PHLDB2: variants seen among roughly 807,000 people sequenced by gnomAD.
The protein encoded by PHLDB2 is pleckstrin homology like domain family B member 2.
Under a neutral mutation model 123.6 loss-of-function variants are expected in PHLDB2, and 71 were observed. That is an observed-to-expected ratio of 0.57 (90% CI 0.47 to 0.70). PHLDB2 has a LOEUF of 0.70. Ranked by LOEUF, PHLDB2 falls within the 30% of genes least tolerant of loss-of-function variation. The pLI is 0.00. For synonymous variants in PHLDB2, 547 were observed against 541.6 expected (o/e 1.01, Z -0.14); for missense variants, 1,446 against 1,519.5 (o/e 0.95, Z 0.80).
At chr3:111,935,951 T>C (rs2069465313) in intron 6 of PHLDB2, among the ~76,000 whole-genome samples, 1 of 152,106 alleles carries the variant, frequency 6.6e-6, no homozygotes, top group Non-Finnish European at 1.5e-5. Flanking sequence ...CTCAAGGAGG[T>C]TGGACTAGAT....
chr3:111,819,472 C>A (rs2062263144), intron 1 of PHLDB2, among the ~76,000 whole-genome samples: 1 of 152,194 alleles, frequency 6.6e-6, no homozygotes, highest in Non-Finnish European at 1.5e-5. Flanking sequence ...TAATTCATGG[C>A]AAAGCCAGAG....
chr3:111,829,927 AACACACACACACACACACACACACAC>A (rs72357648), intron 1 of PHLDB2, among the ~76,000 whole-genome samples: 1 of 135,942 alleles, frequency 7.4e-6, no homozygotes, highest in African/African-American at 2.8e-5. Flanking sequence ...AACTATTCAA[AACACACACACACACACACACACACAC>A]ACACACACAC....
At chr3:111,861,868 A>G (rs73228514) in intron 1 of PHLDB2, among the ~76,000 whole-genome samples, 15,521 of 152,312 alleles carry the variant, frequency 0.1, 1,028 homozygotes, top group Non-Finnish European at 0.14. Context: ...TTTGAGATCT[A>G]TAAGCAAGGG....
rs1553746643 is a variant in PHLDB2, at chr3:111,895,873, C to CTATCTATCTATCT, written c.1335+10461_1335+10462insTATCTATCTATCT. Among the ~76,000 whole-genome samples, 263 of 148,698 alleles carry CTATCTATCTATCT rather than the reference C, an allele frequency of 1.8e-3. 3 individuals are homozygous for CTATCTATCTATCT. Among genetic ancestry groups the CTATCTATCTATCT allele is most frequent in the East Asian group, 5.1e-3 (26 of 5,056 alleles). The stretch of plus-strand genomic sequence containing the variant: ...AAAAAAAAAAATCTATCTATCTATC[C>CTATCTATCTATCT]ATCTATCTATCTATCTATCTATCTA... On this transcript the variant is annotated intron_variant, in intron 2 of 17. Coordinates refer to ENST00000431670, the MANE Select transcript of PHLDB2 (RefSeq NM_001134438.2).
At position 111,885,305 on chromosome 3, in the gene PHLDB2, C is replaced by T. The variant is rs773660300; in HGVS notation, c.1228C>T (p.Arg410Trp). 78 of 1,614,000 alleles carry T rather than the reference C, an allele frequency of 4.8e-5. No individual in the cohort carries two copies. The South Asian group carries it at 5.8e-4, about 12-fold the overall frequency. Residue 410 changes from arginine to tryptophan, a missense_variant, in exon 2 of 18, where the codon CGG (arginine) becomes TGG (tryptophan). This residue lies in a region of PHLDB2 where 832 missense variants were observed against 831.9 expected (regional missense o/e 1.00). Coordinates refer to ENST00000431670, the MANE Select transcript of PHLDB2 (RefSeq NM_001134438.2). ...QASGTPQPALRERKSSISSIS... is the reference protein window; with the variant it reads ...QASGTPQPALWERKSSISSIS... ...CTCAGGAACCCCCCAGCCTGCCCTT[C>T]GGGAACGGAAAAGCAGTATTAGCTC... is the stretch of plus-strand genomic sequence containing the variant.
At chr3:111,743,706 A>G (rs886559228) in intron 1 of PHLDB2, among the ~76,000 whole-genome samples, 3 of 152,210 alleles carry the variant, frequency 2.0e-5, no homozygotes, top group African/African-American at 7.2e-5. Context: ...GGGTCAGCTT[A>G]GTAGCTCTCA....
intron 1 of PHLDB2, among the ~76,000 whole-genome samples, chr3:111,841,573 C>T (rs1412982718): frequency 1.3e-5 from 2 of 152,100 alleles, no homozygotes; most frequent in Non-Finnish European, 2.9e-5. Context: ...CACTCATAAC[C>T]TCTTCAAATA....
In PHLDB2 at chr3:111,740,332, C is replaced by A. The variant is rs149594915; in HGVS notation, c.-49+7629C>A. Among the ~76,000 whole-genome samples, 222 of 148,918 alleles carry A rather than the reference C, an allele frequency of 1.5e-3. 1 individual carries two copies. Among genetic ancestry groups the A allele is most frequent in the African/African-American group, 5.4e-3 (213 of 39,788 alleles). ...ATTTAGAGGCTGCATCACTTTGCTG[C>A]CTATTATTGTCCTCATTAAATATGA... On this transcript the variant is annotated intron_variant, in intron 1 of 17. Coordinates refer to the PHLDB2 transcript ENST00000393923.
In PHLDB2 at chr3:111,830,953, AAG is replaced by A. The variant is rs199823136; in HGVS notation, c.-48-14864_-48-14863del. On this transcript the variant is annotated intron_variant, in intron 1 of 17. Transcript: ENST00000393923. ...AAGAAAGAAAAGAAGGAAAGAAAGA[AAG>A]AGAAAGAAAGAAAGAAAGAAAGAAA... Among the ~76,000 whole-genome samples the A allele has an allele frequency of 6.2e-3, 523 of 84,518 alleles. 4 individuals carry two copies. Among genetic ancestry groups the A allele is most frequent in the African/African-American group, 0.029 (456 of 15,690 alleles). The allele number at this position is 84,518 out of a possible 152,430, so 55.4% of individuals were successfully genotyped here.
intron 1 of PHLDB2, among the ~76,000 whole-genome samples, chr3:111,739,358 G>A (rs992923759): frequency 6.6e-6 from 1 of 152,044 alleles, no homozygotes; most frequent in East Asian, 1.9e-4. Context: ...CCACGCCTGT[G>A]TGCCACTAAT....
rs571562346 is a variant in PHLDB2 at position 111,809,842 on chromosome 3, A to G, written c.-48-35979A>G. ...AGAGTATGCAAACTCAAGAGTTTAG[A>G]TACACCTCAAGCATATAATAGAGTA... On this transcript the variant is annotated intron_variant, in intron 1 of 17. Coordinates refer to the PHLDB2 transcript ENST00000393923. 4.6e-5 allele frequency among the ~76,000 whole-genome samples: 7 copies of G among 152,328 alleles called. No homozygotes were observed. In the South Asian group the frequency reaches 8.3e-4, roughly 18 times the overall value.
chr3:111,945,587 T>TTGTGTGTG (rs1000701850), intron 9 of PHLDB2: 2 of 511,284 alleles, frequency 3.9e-6, no homozygotes, highest in African/African-American at 4.0e-5. Flanking sequence ...ATGTGTGTGT[T>TTGTGTGTG]TGTGTGTGTG....
intron 1 of PHLDB2, among the ~76,000 whole-genome samples, chr3:111,869,443 A>T (rs1189638416): frequency 6.7e-6 from 1 of 148,566 alleles, no homozygotes; most frequent in Non-Finnish European, 1.5e-5. Context: ...AGAATATGAT[A>T]AAGTAAAAAT....
chr3:111,791,937 T>C (rs1163166882), intron 1 of PHLDB2, among the ~76,000 whole-genome samples: 2 of 152,224 alleles, frequency 1.3e-5, no homozygotes, highest in African/African-American at 2.4e-5. Context: ...TCTAACTATA[T>C]TTTTGTACCC....
At chr3:111,904,813 C>T (rs1438878699) in intron 2 of PHLDB2, among the ~76,000 whole-genome samples, 1 of 152,088 alleles carries the variant, frequency 6.6e-6, no homozygotes, top group Non-Finnish European at 1.5e-5. Flanking sequence ...AGAGGGCTTC[C>T]TCTTGGAAAG....
intron 1 of PHLDB2, among the ~76,000 whole-genome samples, chr3:111,865,846 C>T (rs955662942): frequency 1.6e-4 from 24 of 151,710 alleles, no homozygotes; most frequent in African/African-American, 4.4e-4. Context: ...CAAGTTATTT[C>T]CCTTCTTTCA....
intron 1 of PHLDB2, among the ~76,000 whole-genome samples, chr3:111,753,071 C>T (rs2059812283): frequency 6.6e-6 from 1 of 152,010 alleles, no homozygotes; most frequent in Non-Finnish European, 1.5e-5. Flanking sequence ...GGGTTGGTTC[C>T]AAGTCTTTGC....
At chr3:111,946,016 GA>G (rs1190756290) in intron 9 of PHLDB2, among the ~76,000 whole-genome samples, 17 of 151,554 alleles carry the variant, frequency 1.1e-4, no homozygotes, top group South Asian at 2.1e-4. Context: ...TTATAACTGA[GA>G]AAAAAAATAG....
At chr3:111,738,416 C>T (rs1414522685) in intron 1 of PHLDB2, among the ~76,000 whole-genome samples, 2 of 152,136 alleles carry the variant, frequency 1.3e-5, no homozygotes, top group Admixed American at 6.5e-5. Context: ...TACTCATCTG[C>T]GTTCTAATTT....
Sources: allele counts gnomAD v4.1 joint callset (sites outside exome capture counted in the v4.1 genomes callset), GRCh38; gene constraint gnomAD v4.1.1; regional missense constraint gnomAD v4.1.1; transcripts MANE v1.5; gene names NCBI Gene and HGNC (gene_info 2026-07-23, HGNC 2026-07-21).